The following NXPE2 variants were observed in gnomAD, a reference collection of about 807,000 sequenced individuals.
NXPE2 encodes NXPE family member 2.
In NXPE2, 34 loss-of-function variants were observed where a neutral mutation model predicts 34.4. The observed-to-expected ratio is 0.99, with a 90% CI of 0.75 to 1.31. NXPE2 has a LOEUF of 1.31. NXPE2 is among the 40% of genes most tolerant of loss of function. NXPE2 has a pLI of 0.00. For synonymous variants in NXPE2, 235 were observed against 231.3 expected, an observed-to-expected ratio of 1.02 and a Z score of -0.15; for missense variants, 649 against 672.5, an observed-to-expected ratio of 0.97 and a Z score of 0.39.
chr11:114,665,899 AGTT>A, the NXPE2 span, among the ~76,000 whole-genome samples: 1 of 152,156 alleles, frequency 6.6e-6, no homozygotes, highest in South Asian at 2.1e-4. Context: ...GCACTAAAAT[AGTT>A]GTCTCCATGA....
the NXPE2 span, among the ~76,000 whole-genome samples, chr11:114,726,804 C>A: frequency 6.6e-6 from 1 of 152,162 alleles, no homozygotes; most frequent in East Asian, 1.9e-4. Flanking sequence ...AACTCAAACA[C>A]GGTTTATCCA....
chr11:114,665,307 A>C, the NXPE2 span, among the ~76,000 whole-genome samples: 16 of 152,212 alleles, frequency 1.1e-4, no homozygotes, highest in East Asian at 3.1e-3. Context: ...CAATCTCTCT[A>C]ATTAGAATGT....
the NXPE2 span, among the ~76,000 whole-genome samples, chr11:114,491,247 T>G: frequency 6.8e-6 from 1 of 146,938 alleles, no homozygotes; most frequent in South Asian, 2.1e-4. Flanking sequence ...TGGGAGAAAA[T>G]TTTCGCAACC....
At chr11:114,633,393 T>C in the NXPE2 span, among the ~76,000 whole-genome samples, 1 of 144,936 alleles carries the variant, frequency 6.9e-6, no homozygotes. Context: ...ATATTATATA[T>C]TATATATTAT....
chr11:114,523,038 C>T, the NXPE2 span: 2 of 1,613,746 alleles, frequency 1.2e-6, no homozygotes, highest in East Asian at 4.5e-5. Flanking sequence ...GTATAACCAC[C>T]AGGGACAGGA....
At position 114,679,717 on chromosome 11, in the gene NXPE2, CT is replaced by C; in HGVS notation, c.89del (p.Leu30Ter). The C allele has an allele frequency of 5.8e-6, 9 of 1,550,394 alleles. No individual in the cohort carries two copies. Among genetic ancestry groups the C allele is most frequent in the Non-Finnish European group, 7.9e-6 (9 of 1,146,050 alleles). ...RKLLLMLTFILIFWIIYLASK... is the reference protein window; with the variant it reads ...RKLLLMLTFIXIFWIIYLASK... ...AATTACTGCTGATGTTGACATTTATCTTAATTTTCTGGATCATTTACTTGGC... is the reference window on the plus strand; with the variant it reads ...AATTACTGCTGATGTTGACATTTATCTAATTTTCTGGATCATTTACTTGGC... On this transcript the variant is annotated frameshift_variant, in exon 2 of 6. Transcript: ENST00000389586. LOFTEE classifies it high-confidence loss of function.
the NXPE2 span, among the ~76,000 whole-genome samples, chr11:114,500,502 C>A: frequency 6.6e-6 from 1 of 151,990 alleles, no homozygotes; most frequent in African/African-American, 2.4e-5. Context: ...TGTAAGTGTT[C>A]TCCACATATT....
the NXPE2 span, chr11:114,513,043 C>G: frequency 7.8e-5 from 35 of 447,654 alleles, no homozygotes; most frequent in South Asian, 4.3e-4. Context: ...CTGACCCCCC[C>G]CAGAACAAAG....
Position 114,698,473 on chromosome 11 carries a change from T to C in NXPE2, c.561T>C (p.Val187=), listed in dbSNP as rs149132776. ...TCACTCTGTTCTGGGAGGGCCAGGT[T>C]TCCCTGTCTCTGCTGCTCATCCACC... ...VSFTLFWEGQ[V]SLSLLLIHPS... The change falls in exon 3 of 6, where the codon GTT becomes GTC. Residue 187 remains valine, a synonymous_variant. Transcript: ENST00000389586. The C allele has an allele frequency of 5.5e-4, 892 of 1,614,116 alleles. 6 individuals are homozygous for C. In the African/African-American group the frequency reaches 0.011, roughly 19 times the overall value.
At chr11:114,750,249 C>T in the NXPE2 span, among the ~76,000 whole-genome samples, 1 of 152,172 alleles carries the variant, frequency 6.6e-6, no homozygotes, top group African/African-American at 2.4e-5. Context: ...ACAAATTTAT[C>T]ATATCTGGTA....
At chr11:114,652,851 C>A in the NXPE2 span, among the ~76,000 whole-genome samples, 1 of 152,170 alleles carries the variant, frequency 6.6e-6, no homozygotes, top group African/African-American at 2.4e-5. Flanking sequence ...TCAGCTAGAG[C>A]ATTTTCCATT....
chr11:114,742,770 C>T, the NXPE2 span, among the ~76,000 whole-genome samples: 1 of 152,064 alleles, frequency 6.6e-6, no homozygotes, highest in African/African-American at 2.4e-5. Flanking sequence ...TGCCATCTTG[C>T]TAATGTCACT....
chr11:114,501,704 A>G, the NXPE2 span, among the ~76,000 whole-genome samples: 14 of 152,200 alleles, frequency 9.2e-5, no homozygotes, highest in Non-Finnish European at 1.9e-4. Context: ...GAGAGCTGTC[A>G]AATGAAGTGC....
the NXPE2 span, among the ~76,000 whole-genome samples, chr11:114,540,124 T>G: frequency 6.6e-6 from 1 of 152,124 alleles, no homozygotes; most frequent in Non-Finnish European, 1.5e-5. Flanking sequence ...CCTGACTAAT[T>G]TTTTCTATTT....
At chr11:114,607,100 A>G in the NXPE2 span, among the ~76,000 whole-genome samples, 67 of 138,568 alleles carry the variant, frequency 4.8e-4, no homozygotes, top group Middle Eastern at 5.3e-3. Flanking sequence ...TTGCCTCGTG[A>G]GTAACCACTG....
At chr11:114,684,724 T>A (rs1193921459) in intron 2 of NXPE2, among the ~76,000 whole-genome samples, 1 of 152,150 alleles carries the variant, frequency 6.6e-6, no homozygotes, top group Non-Finnish European at 1.5e-5. Flanking sequence ...TTTTCCTTTT[T>A]GTAATATGGG....
At chr11:114,761,561 C>CTTTTTTTTT in the NXPE2 span, among the ~76,000 whole-genome samples, 1 of 92,774 alleles carries the variant, frequency 1.1e-5, no homozygotes, top group African/African-American at 4.3e-5. Flanking sequence ...AGCCAAGCCT[C>CTTTTTTTTT]TTTTTTTTTT....
At chr11:114,768,922 C>G in the NXPE2 span, among the ~76,000 whole-genome samples, 1 of 152,040 alleles carries the variant, frequency 6.6e-6, no homozygotes, top group East Asian at 1.9e-4. Context: ...GACTAAAACA[C>G]CAAAAGCAAG....
the NXPE2 span, among the ~76,000 whole-genome samples, chr11:114,635,948 C>G: frequency 7.2e-5 from 11 of 151,912 alleles, no homozygotes; most frequent in Non-Finnish European, 1.0e-4. Context: ...TTTCTCTGCC[C>G]GTCTTTGGTA....
Sources: gnomAD v4.1 joint callset for allele counts (sites outside exome capture counted in the v4.1 genomes callset) on GRCh38, gnomAD v4.1.1 for gene constraint, MANE v1.5 for transcripts, NCBI Gene and HGNC (gene_info 2026-07-23, HGNC 2026-07-21) for gene names.